Variants in HDGFL2 observed in about 807,000 individuals in gnomAD.
HDGFL2 encodes the protein hepatoma-derived growth factor-related protein 2.
HDGFL2 carries 36 observed loss-of-function variants against 77.1 expected under a neutral mutation model. That is an observed-to-expected ratio of 0.47 (90% confidence interval 0.36 to 0.62). The LOEUF (loss-of-function observed/expected upper bound fraction) is 0.62. HDGFL2 is among the 20% of genes least tolerant of loss of function. The pLI is 0.00. For missense variants in HDGFL2, 976 were observed against 973.4 expected (o/e 1.00, Z -0.04); for synonymous variants, 463 against 413.1 (o/e 1.12, Z -1.46).
Position 4,494,025 on chromosome 19 carries a change from T to C in HDGFL2, c.882T>C (p.Pro294=), listed in dbSNP as rs1360290716. 1.9e-6 allele frequency: 3 copies of C among 1,611,276 alleles called. No homozygotes were observed. The African/African-American group carries it at 4.0e-5, about 22-fold the overall frequency. ...LPKPRGRKPK[P]ERPPSSSSSD... ...AGCCGCGAGGGCGGAAACCGAAGCC[T>C]GAACGGCCTCCGTCCAGCTCCAGCA... The change falls in exon 8 of 16, where the codon CCT becomes CCC. Residue 294 remains proline, a synonymous_variant. Coordinates refer to ENST00000616600, the MANE Select transcript of HDGFL2 (RefSeq NM_001001520.3).
chr19:4,479,444 C>T (rs544329700), intron 3 of HDGFL2, among the ~76,000 whole-genome samples: 11 of 151,674 alleles, frequency 7.3e-5, no homozygotes, highest in African/African-American at 1.9e-4. Context: ...GAAAGTTAGC[C>T]GGGCGTGGCA....
intron 3 of HDGFL2, among the ~76,000 whole-genome samples, chr19:4,481,146 C>T (rs531537273): frequency 1.0e-3 from 152 of 151,376 alleles, no homozygotes; most frequent in African/African-American, 3.4e-3. Context: ...CTCAGCCTCC[C>T]GAGTAGCTGG....
intron 4 of HDGFL2, among the ~76,000 whole-genome samples, chr19:4,490,689 A>G (rs1019019013): frequency 3.0e-4 from 45 of 152,376 alleles, no homozygotes; most frequent in African/African-American, 1.1e-3. Flanking sequence ...TTCTAAAATG[A>G]TAAGCCATAT....
chr19:4,488,644 G>T, intron 3 of HDGFL2, 32 bp from the exon 4 acceptor site: 2 of 1,527,674 alleles, frequency 1.3e-6, no homozygotes, highest in Non-Finnish European at 1.8e-6. Context: ...ACGACTGGTG[G>T]TGACGCGCGT....
In HDGFL2 at chr19:4,493,781, T is replaced by C. The variant is rs1030097444; in HGVS notation, c.757T>C (p.Ser253Pro). 44 of 1,543,832 alleles carry C rather than the reference T, an allele frequency of 2.9e-5. No individual in the cohort carries two copies. The highest frequency in any genetic ancestry group is 3.9e-5 in the Non-Finnish European group (44 of 1,141,694). Residue 253 changes from serine to proline, a missense_variant, in exon 7 of 16, where the codon TCG becomes CCG. Transcript: ENST00000616600. ...AKPEPVAMARSASSSSSSSSS... is the reference protein window; with the variant it reads ...AKPEPVAMARPASSSSSSSSS... ...GCCTGAGCCGGTGGCCATGGCGCGG[T>C]CGGCGTCCTCCTCCTCCTCTTCCTC...
intron 4 of HDGFL2, among the ~76,000 whole-genome samples, chr19:4,491,128 G>C (rs1199709496): frequency 1.3e-5 from 2 of 151,966 alleles, no homozygotes; most frequent in Admixed American, 1.3e-4. Context: ...CCATTTTTAA[G>C]TGCCCCGTTC....
intron 6 of HDGFL2, among the ~76,000 whole-genome samples, chr19:4,492,752 G>C (rs1300341200): frequency 2.3e-5 from 3 of 133,056 alleles, no homozygotes; most frequent in Non-Finnish European, 4.9e-5. Context: ...TTGGGTGTTT[G>C]TGTGTCTGGT....
In HDGFL2 at chr19:4,493,856, A is replaced by G. The variant is rs775867906; in HGVS notation, c.832A>G (p.Lys278Glu). ...TGTGAAGAAGCCTCCGAGGGGCAGG[A>G]AGCCAGGTAGGGCCCTCGTGCTCGC... ...VSVKKPPRGR[K>E]PAEKPLPKPR... The change falls in exon 7 of 16, where the codon AAG (lysine) becomes GAG (glutamate). Residue 278 changes from lysine (K) to glutamate (E), a missense_variant. Coordinates refer to ENST00000616600, the MANE Select transcript of HDGFL2 (RefSeq NM_001001520.3). 1 of 1,507,060 alleles carries G rather than the reference A, an allele frequency of 6.6e-7. No individual in the cohort carries two copies. The highest frequency in any genetic ancestry group is 8.9e-7 in the Non-Finnish European group (1 of 1,121,190). 93.4% of individuals were successfully genotyped at this position (1,507,060 alleles called of 1,614,324 possible).
At chr19:4,482,464 T>TC (rs930957326) in intron 3 of HDGFL2, among the ~76,000 whole-genome samples, 2 of 152,108 alleles carry the variant, frequency 1.3e-5, no homozygotes, top group Non-Finnish European at 2.9e-5. Context: ...CCTATCGGCC[T>TC]CCCCAAGTGC....
chr19:4,486,160 T>A (rs1175179467), intron 3 of HDGFL2, among the ~76,000 whole-genome samples: 1 of 151,658 alleles, frequency 6.6e-6, no homozygotes, highest in Non-Finnish European at 1.5e-5. Flanking sequence ...CTCGGTCAGG[T>A]GTTCCACGCT....
At chr19:4,501,390 C>T (rs1975878560) in intron 15 of HDGFL2, 73 bp downstream of exon 15, 3 of 1,502,930 alleles carry the variant, frequency 2.0e-6, no homozygotes, top group South Asian at 2.6e-5. Context: ...GTCCGAGCCG[C>T]TCCTCCTGTG....
At chr19:4,487,527 G>A (rs192967162) in intron 3 of HDGFL2, among the ~76,000 whole-genome samples, 65 of 151,802 alleles carry the variant, frequency 4.3e-4, no homozygotes, top group Non-Finnish European at 6.5e-4. Context: ...AAAGTGCTGG[G>A]ATTACAGGCG....
chr19:4,479,422 A>T (rs138521917), intron 3 of HDGFL2, among the ~76,000 whole-genome samples: 75 of 151,802 alleles, frequency 4.9e-4, no homozygotes, highest in African/African-American at 1.8e-3. Flanking sequence ...TCTCTACTAA[A>T]AAAAAAATAC....
intron 6 of HDGFL2, 105 bp downstream of exon 6, chr19:4,491,940 C>A: frequency 9.6e-7 from 1 of 1,039,968 alleles, no homozygotes; most frequent in Non-Finnish European, 1.5e-6. Flanking sequence ...GGGGGTGGGA[C>A]ACGGACTGCA....
At chr19:4,485,877 T>C (rs1394991885) in intron 3 of HDGFL2, among the ~76,000 whole-genome samples, 1 of 2,316 alleles carries the variant, frequency 4.3e-4, no homozygotes, top group Non-Finnish European at 7.3e-4. Flanking sequence ...TGAAACCCCA[T>C]GTCTACAAAA....
chr19:4,487,225 C>G (rs897144110), intron 3 of HDGFL2, among the ~76,000 whole-genome samples: 9 of 152,146 alleles, frequency 5.9e-5, no homozygotes, highest in African/African-American at 2.2e-4. Context: ...CGCGGCCTCC[C>G]AAAGTGCTGG....
intron 3 of HDGFL2, among the ~76,000 whole-genome samples, chr19:4,482,055 T>G (rs960978476): frequency 4.6e-5 from 5 of 109,000 alleles, no homozygotes; most frequent in Non-Finnish European, 9.3e-5. Context: ...TTTTTTGAGA[T>G]GGAGTCTCGC....
chr19:4,496,459 C>A, intron 10 of HDGFL2, 54 bp downstream of exon 10: 1 of 1,351,934 alleles, frequency 7.4e-7, no homozygotes, highest in Non-Finnish European at 1.0e-6. Context: ...CCGCATCACC[C>A]CACAACCCTC....
chr19:4,500,599 T>G (rs1975841657), intron 14 of HDGFL2, among the ~76,000 whole-genome samples: 1 of 150,146 alleles, frequency 6.7e-6, no homozygotes, highest in South Asian at 2.2e-4. Flanking sequence ...GAGCTGGGAC[T>G]ACAGGCACCC....
Sources: allele counts gnomAD v4.1 joint callset (sites outside exome capture counted in the v4.1 genomes callset), GRCh38; gene constraint gnomAD v4.1.1; transcripts MANE v1.5; gene names NCBI Gene and HGNC (gene_info 2026-07-23, HGNC 2026-07-21).